Variants in TNRC6C observed in about 807,000 individuals in gnomAD.
TNRC6C encodes the protein trinucleotide repeat-containing gene 6C protein.
In TNRC6C, 20 loss-of-function variants were observed where a neutral mutation model predicts 153.7. The ratio of observed to expected loss-of-function variants is 0.13; its 90% CI spans 0.09 to 0.19. The LOEUF (loss-of-function observed/expected upper bound fraction) is 0.19. TNRC6C is among the 10% of genes least tolerant of loss of function. TNRC6C has a pLI of 1.00. For missense variants in TNRC6C, 1,987 were observed against 2,172.0 expected (o/e 0.91, Z 1.69); for synonymous variants, 811 against 841.4 (o/e 0.96, Z 0.63).
At chr17:78,006,122 A>T (rs574790130) in intron 1 of TNRC6C, among the ~76,000 whole-genome samples, 1 of 152,310 alleles carries the variant, frequency 6.6e-6, no homozygotes, top group South Asian at 2.1e-4. Context: ...ACAGGAAAGG[A>T]ATTCGTTTAC....
intron 16 of TNRC6C, among the ~76,000 whole-genome samples, chr17:78,097,251 AAT>A (rs2073503828): frequency 1.3e-5 from 2 of 152,080 alleles, no homozygotes; most frequent in Admixed American, 1.3e-4. Context: ...TTTTAAGCAA[AAT>A]ATGAGTGTAA....
At chr17:78,103,626 G>A in intron 19 of TNRC6C, 73 bp downstream of exon 22, 2 of 1,585,322 alleles carry the variant, frequency 1.3e-6, no homozygotes. Context: ...TAGGGGTGTT[G>A]CAGGGGTGTC....
intron 14 of TNRC6C, among the ~76,000 whole-genome samples, 196 bp downstream of exon 16, chr17:78,091,803 A>G (rs2073399372): frequency 6.6e-6 from 1 of 152,180 alleles, no homozygotes; most frequent in Admixed American, 6.5e-5. Flanking sequence ...CAACCATTAG[A>G]TCTTAGCTAC....
chr17:77,976,958 A>C (rs982618531), intron 1 of TNRC6C, among the ~76,000 whole-genome samples: 22 of 149,204 alleles, frequency 1.5e-4, no homozygotes, highest in Non-Finnish European at 2.5e-4. Context: ...AAAAAAAAAA[A>C]AACTTGGTTT....
chr17:78,000,629 C>CG (rs1289155801), upstream of TNRC6C, among the ~76,000 whole-genome samples: 39 of 75,886 alleles, frequency 5.1e-4, 1 homozygote, highest in Non-Finnish European at 8.7e-4. Context: ...CCCCCCCCCC[C>CG]CCACACACAC....
chr17:78,067,349 GA>G (rs58853616), intron 4 of TNRC6C, among the ~76,000 whole-genome samples: 1 of 151,958 alleles, frequency 6.6e-6, no homozygotes, highest in Non-Finnish European at 1.5e-5. Flanking sequence ...TCAAAAAAAA[GA>G]AAAAAACCTA....
In TNRC6C at chr17:78,034,458, G is replaced by T. The variant is rs557172884; in HGVS notation, c.-219+2616G>T. Reference sequence around the variant, plus strand: ...CCCTCCCATGCACACATGCTTAATTGCTGCCCCCCCAACCCCCACTTTACT... The same window carrying T: ...CCCTCCCATGCACACATGCTTAATTTCTGCCCCCCCAACCCCCACTTTACT... On this transcript the variant is annotated intron_variant, in intron 2 of 19. Coordinates refer to ENST00000301624, the Ensembl canonical transcript of TNRC6C. Among the ~76,000 whole-genome samples the T allele has an allele frequency of 5.9e-5, 9 of 151,902 alleles. No homozygotes were observed. In the South Asian group the frequency reaches 1.9e-3, roughly 32 times the overall value.
chr17:77,992,908 T>C lies in TNRC6C; in HGVS notation c.-37-11262T>C, dbSNP rs138280225. On this transcript the variant is annotated intron_variant, in intron 1 of 22. Transcript: ENST00000636222. ...TAGGTTACCTCTGAGTACGTGTTAATCCATTAGTAGATGTGGTTCCATTAA... is the reference window on the plus strand; with the variant it reads ...TAGGTTACCTCTGAGTACGTGTTAACCCATTAGTAGATGTGGTTCCATTAA... Among the ~76,000 whole-genome samples, 357 of 152,292 alleles carry C rather than the reference T, an allele frequency of 2.3e-3. 4 individuals are homozygous for C. Among genetic ancestry groups the C allele is most frequent in the Admixed American group, 0.021 (323 of 15,290 alleles).
At chr17:78,107,390 T>A (rs2073720023) in exon 20 of TNRC6C, 1 of 152,258 alleles carries the variant, frequency 6.6e-6, no homozygotes, top group Non-Finnish European at 1.5e-5. Flanking sequence ...AGAACATGCA[T>A]CGAAAGTTGC....
intron 1 of TNRC6C, among the ~76,000 whole-genome samples, chr17:77,970,307 A>G (rs191422839): frequency 1.3e-5 from 2 of 152,260 alleles, no homozygotes; most frequent in African/African-American, 2.4e-5. Flanking sequence ...GTGCAGTGGT[A>G]CAGTCACAGC....
At chr17:78,004,854 G>A (rs958331529), upstream of TNRC6C, among the ~76,000 whole-genome samples, 1 of 151,934 alleles carries the variant, frequency 6.6e-6, no homozygotes, top group East Asian at 1.9e-4. Context: ...AGAATTTTTT[G>A]CCTTTAGATT....
chr17:78,048,143 T>A (rs1406041932), intron 2 of TNRC6C, among the ~76,000 whole-genome samples: 1 of 149,582 alleles, frequency 6.7e-6, no homozygotes, highest in Non-Finnish European at 1.5e-5. Flanking sequence ...GTGATGTCCT[T>A]GAGCTACAGA....
chr17:78,047,153 A>C (rs2072428711), intron 2 of TNRC6C, among the ~76,000 whole-genome samples: 1 of 152,118 alleles, frequency 6.6e-6, no homozygotes, highest in African/African-American at 2.4e-5. Context: ...GAAATGTGGT[A>C]ATATTTGCTG....
In TNRC6C at chr17:78,049,495, A is replaced by C. The variant is rs547289890; in HGVS notation, c.433A>C (p.Thr145Pro). 5.0e-6 allele frequency: 8 copies of C among 1,614,074 alleles called. No homozygotes were observed. Among genetic ancestry groups the C allele is most frequent in the South Asian group, 1.1e-5 (1 of 91,090 alleles). Residue 145 changes from threonine (T) to proline (P), a missense_variant, in exon 3 of 20, where the codon ACA becomes CCA. By Grantham distance (38) the Thr-to-Pro change is conservative. This residue lies in a region of TNRC6C where 1,052 missense variants were observed against 1,017.0 expected (regional missense o/e 1.03). Coordinates refer to ENST00000301624, the Ensembl canonical transcript of TNRC6C. The surrounding 1 kb of genome is among the most constrained non-coding windows in gnomAD (Gnocchi z 4.1). ...TATGGGCAACCAGAACGGGAACCCA[A>C]CAGGCACTTTAGGTGCTTGGGGAAA...
rs1047084951 is a variant in TNRC6C, at chr17:78,104,159, A to C, written c.4713-326A>C. On this transcript the variant is annotated intron_variant, in intron 19 of 19. Coordinates refer to ENST00000301624, the Ensembl canonical transcript of TNRC6C. The surrounding 1 kb of genome is among the most constrained non-coding windows in gnomAD (Gnocchi z 6.2). ...GATAGAAGTACGAGTAGACCTGATCAGTAACATCACTTGAGACGTTGGAAC... is the reference window on the plus strand; with the variant it reads ...GATAGAAGTACGAGTAGACCTGATCCGTAACATCACTTGAGACGTTGGAAC... Among the ~76,000 whole-genome samples the C allele has an allele frequency of 1.3e-5, 2 of 152,230 alleles. No individual in the cohort carries two copies. Among genetic ancestry groups the C allele is most frequent in the African/African-American group, 4.8e-5 (2 of 41,454 alleles).
chr17:78,012,512 A>T (rs758711472), intron 1 of TNRC6C, among the ~76,000 whole-genome samples: 79 of 152,240 alleles, frequency 5.2e-4, no homozygotes, highest in Non-Finnish European at 6.3e-4. Context: ...TTTTTAAAAA[A>T]GTTCCCTGTT....
intron 10 of TNRC6C, among the ~76,000 whole-genome samples, chr17:78,082,644 A>G (rs1387829655): frequency 1.3e-5 from 2 of 152,228 alleles, no homozygotes; most frequent in African/African-American, 4.8e-5. Context: ...ACCCTATCTT[A>G]TCCATATGAA....
exon 20 of TNRC6C, chr17:78,106,255 A>T (rs994570107): frequency 3.0e-5 from 3 of 100,890 alleles, no homozygotes; most frequent in African/African-American, 1.3e-4. Context: ...AAAGGAATTA[A>T]AAAAAAAAAA....
intron 2 of TNRC6C, among the ~76,000 whole-genome samples, chr17:78,040,540 G>C (rs957298147): frequency 6.6e-6 from 1 of 152,162 alleles, no homozygotes; most frequent in Non-Finnish European, 1.5e-5. Context: ...ATTACAGCTA[G>C]TGTTGGCATG....
Sources: gnomAD v4.1 joint callset for allele counts (sites outside exome capture counted in the v4.1 genomes callset) on GRCh38, gnomAD v4.1.1 for gene constraint, gnomAD v4.1.1 regional missense constraint, Gnocchi (gnomAD v3.1) non-coding constraint, MANE v1.5 for transcripts, NCBI Gene and HGNC (gene_info 2026-07-23, HGNC 2026-07-21) for gene names.